Variants in SLC34A1 observed in about 807,000 individuals in gnomAD.
SLC34A1 encodes the protein solute carrier family 34 member 1, also known as sodium-dependent phosphate transport protein 2A.
In SLC34A1, 57 loss-of-function variants were observed where a neutral mutation model predicts 51.4. That is an observed-to-expected ratio of 1.11 (90% CI 0.90 to 1.38). The LOEUF is 1.38. Among genes scored for constraint, SLC34A1 ranks in the 40% most tolerant of loss-of-function variants. The pLI is 0.00. For synonymous variants in SLC34A1, 368 were observed against 358.0 expected (o/e 1.03, Z -0.32); for missense variants, 796 against 835.6 (o/e 0.95, Z 0.58).
chr5:177,386,331 G>T lies in SLC34A1; in HGVS notation c.370G>T (p.Ala124Ser), dbSNP rs1762570527. 6.2e-7 allele frequency: 1 copy of T among 1,614,274 alleles called. No homozygotes were observed. Among genetic ancestry groups the T allele is most frequent in the Non-Finnish European group, 8.5e-7 (1 of 1,180,050 alleles). The change falls in exon 4 of 13, where the codon GCC becomes TCC. Residue 124 changes from alanine to serine, a missense_variant. By Grantham distance (99) the Ala-to-Ser change is moderately conservative (BLOSUM62 1). Transcript: ENST00000324417. The surrounding 1 kb of genome is among the most constrained non-coding windows in gnomAD (Gnocchi z 4.8). ...CTGCTCCCTGGACATGCTCAGCTCG[G>T]CCTTCCAGCTGGCTGGAGGTAGGGC... ...FVCSLDMLSS[A>S]FQLAGGKVAG...
chr5:177,398,140 C>G lies in SLC34A1; in HGVS notation c.1774C>G (p.Leu592Val). Residue 592 changes from leucine to valine, a missense_variant, in exon 13 of 13, where the codon CTC becomes GTC. Transcript: ENST00000324417. This position sits in a 1 kb window ranked among gnomAD's most constrained non-coding sequence, Gnocchi z 4.7. ...WMHSLKPLDH[L>V]ITRATLCCAR... is the part of the protein sequence containing the mutation. ...GCACTCCCTGAAGCCCCTGGACCACCTCATCACCCGCGCCACCCTATGCTG... is the reference window on the plus strand; with the variant it reads ...GCACTCCCTGAAGCCCCTGGACCACGTCATCACCCGCGCCACCCTATGCTG... The G allele has an allele frequency of 6.2e-7, 1 of 1,611,456 alleles. No homozygotes were observed. The highest frequency in any genetic ancestry group is 1.3e-5 in the African/African-American group (1 of 75,026).
chr5:177,392,406 T>G (rs2127352016), intron 8 of SLC34A1, among the ~76,000 whole-genome samples: 1 of 152,244 alleles, frequency 6.6e-6, no homozygotes, highest in East Asian at 1.9e-4. Flanking sequence ...GAGGTTGCAG[T>G]GAGCCGAGAT....
chr5:177,388,353 G>C lies in SLC34A1; in HGVS notation c.917G>C (p.Cys306Ser). 6.2e-7 allele frequency: 1 copy of C among 1,614,050 alleles called. No homozygotes were observed. The highest frequency in any genetic ancestry group is 8.5e-7 in the Non-Finnish European group (1 of 1,179,922). Residue 306 changes from cysteine to serine, a missense_variant, in exon 8 of 13, where the codon TGC becomes TCC. Transcript: ENST00000324417. The surrounding 1 kb of genome is among the most constrained non-coding windows in gnomAD (Gnocchi z 4.3). ...LRNHSLIQIWCHPDSLQAPTS... is the reference protein window; with the variant it reads ...LRNHSLIQIWSHPDSLQAPTS... ...AACCACAGTCTCATCCAGATCTGGT[G>C]CCACCCAGACTCCTTACAGGTGAGT...
Position 177,386,377 on chromosome 5 carries a change from A to G in SLC34A1, c.388+28A>G, listed in dbSNP as rs778235120. The G allele has an allele frequency of 2.5e-6, 4 of 1,614,160 alleles. No homozygotes were observed. The highest frequency in any genetic ancestry group is 1.7e-4 in the Middle Eastern group (1 of 6,060). On this transcript the variant is annotated intron_variant, in intron 4 of 12. Coordinates refer to ENST00000324417, the MANE Select transcript of SLC34A1 (RefSeq NM_003052.5). This position sits in a 1 kb window ranked among gnomAD's most constrained non-coding sequence, Gnocchi z 4.8. ...AGGGCCCGGGTGGAGGAGACCTGGG[A>G]GGGGTTCCTGAAGGGCCTTGGACAA...
chr5:177,387,351 T>A (rs79401284), intron 5 of SLC34A1, among the ~76,000 whole-genome samples: 5 of 152,038 alleles, frequency 3.3e-5, no homozygotes, highest in African/African-American at 1.2e-4. Flanking sequence ...GCCGAGATCA[T>A]GCCACTGCAC....
chr5:177,395,353 C>A (rs904466222), intron 10 of SLC34A1, among the ~76,000 whole-genome samples: 1 of 152,024 alleles, frequency 6.6e-6, no homozygotes, highest in Non-Finnish European at 1.5e-5. Context: ...TTTGAACAGA[C>A]ACAAGTAGCC....
chr5:177,394,696 T>A (rs1471207353), intron 10 of SLC34A1, among the ~76,000 whole-genome samples: 2 of 148,190 alleles, frequency 1.3e-5, no homozygotes, highest in Admixed American at 1.3e-4. Context: ...GTCTTTTTTT[T>A]TTTTTTTTTT....
rs1221223244 is a variant in SLC34A1 at position 177,386,762 on chromosome 5, G to A, written c.532+196G>A. Among the ~76,000 whole-genome samples, 4 of 152,128 alleles carry A rather than the reference G, an allele frequency of 2.6e-5. No individual in the cohort carries two copies. The highest frequency in any genetic ancestry group is 2.9e-5 in the Non-Finnish European group (2 of 68,012). The stretch of plus-strand genomic sequence containing the variant: ...TTTATGGCAAGGAACTGGCTTCCCC[G>A]ATGGTAGTTTGTCTGGGCAAGTCAG... On this transcript the variant is annotated intron_variant, in intron 5 of 12. Coordinates refer to ENST00000324417, the MANE Select transcript of SLC34A1 (RefSeq NM_003052.5). The surrounding 1 kb of genome is among the most constrained non-coding windows in gnomAD (Gnocchi z 4.8).
At chr5:177,393,673 G>A in intron 8 of SLC34A1, 21 bp from the exon 9 acceptor site, 2 of 1,613,826 alleles carry the variant, frequency 1.2e-6, no homozygotes, top group Non-Finnish European at 1.7e-6. Context: ...AATTCACTAA[G>A]TCACCCTCCT....
intron 10 of SLC34A1, among the ~76,000 whole-genome samples, chr5:177,395,863 G>A (rs1478039883): frequency 6.6e-6 from 1 of 152,124 alleles, no homozygotes; most frequent in East Asian, 1.9e-4. Context: ...TGAATACCTG[G>A]CCTCAAGTGA....
At chr5:177,393,836 C>G (rs1285651013) in intron 9 of SLC34A1, 73 bp downstream of exon 9, 9 of 1,540,804 alleles carry the variant, frequency 5.8e-6, no homozygotes, top group Non-Finnish European at 7.2e-6. Context: ...CAATCCCACA[C>G]AGCCACTATT....
At chr5:177,389,712 C>G in intron 8 of SLC34A1, 1 of 1,537,262 alleles carries the variant, frequency 6.5e-7, no homozygotes, top group Non-Finnish European at 8.7e-7. Flanking sequence ...AGCTCTGTTC[C>G]TCACTGCCCC....
At chr5:177,393,651 CTG>C (rs1762875101) in intron 8 of SLC34A1, 41 bp from the exon 9 acceptor site, 3 of 1,597,082 alleles carry the variant, frequency 1.9e-6, no homozygotes, top group Admixed American at 1.7e-5. Context: ...CAACCTCAGG[CTG>C]TGTTTTCCTA....
Position 177,386,060 on chromosome 5 carries a change from C to T in SLC34A1, c.183C>T (p.Thr61=), listed in dbSNP as rs761239356. 6.2e-7 allele frequency: 1 copy of T among 1,611,160 alleles called. No homozygotes were observed. The highest frequency in any genetic ancestry group is 2.2e-5 in the East Asian group (1 of 44,824). Residue 61 remains threonine (T), a synonymous_variant, in exon 3 of 13, where the codon ACC becomes ACT. Transcript: ENST00000324417. This position sits in a 1 kb window ranked among gnomAD's most constrained non-coding sequence, Gnocchi z 4.8. Reference sequence around the variant, plus strand: ...GCCCTGTGGCCCTTGCTGAGCACACCTGCCCCTGTGGGGAGGTCCTGGAGC... The same window carrying T: ...GCCCTGTGGCCCTTGCTGAGCACACTTGCCCCTGTGGGGAGGTCCTGGAGC... ...SLGPVALAEH[T]CPCGEVLERH...
Position 177,396,690 on chromosome 5 carries a change from C to A in SLC34A1, c.1175-43C>A. 1 of 1,576,776 alleles carries A rather than the reference C, an allele frequency of 6.3e-7. No individual in the cohort carries two copies. Among genetic ancestry groups the A allele is most frequent in the Non-Finnish European group, 8.7e-7 (1 of 1,146,162 alleles). ...CCGCGGAGGTCTGCTCTCCCAATGTCCCCGCTCTGACCCCAGCCTGCTGGG... is the reference window on the plus strand; with the variant it reads ...CCGCGGAGGTCTGCTCTCCCAATGTACCCGCTCTGACCCCAGCCTGCTGGG... On this transcript the variant is annotated intron_variant, in intron 10 of 12. Transcript: ENST00000324417. The surrounding 1 kb of genome is among the most constrained non-coding windows in gnomAD (Gnocchi z 4.0).
At chr5:177,393,991 G>T (rs200874510) in intron 9 of SLC34A1, 37 bp from the exon 10 acceptor site, 2 of 1,613,526 alleles carry the variant, frequency 1.2e-6, no homozygotes, top group East Asian at 2.2e-5. Flanking sequence ...TGGGAGCCAG[G>T]TGTGGGGTCA....
intron 8 of SLC34A1, among the ~76,000 whole-genome samples, chr5:177,391,100 C>T (rs1197849920): frequency 2.0e-5 from 3 of 152,180 alleles, no homozygotes; most frequent in Non-Finnish European, 4.4e-5. Flanking sequence ...CTCTCCTACC[C>T]CACCCCAGGC....
In SLC34A1 at chr5:177,397,059, G is replaced by A. The variant is rs1317249843; in HGVS notation, c.1401G>A (p.Leu467=). ...CCCTGGCCAGCCCCAGGGAGAAGCTGTCCAGCGCTTTCCAGGTGCGCTGGG... is the reference window on the plus strand; with the variant it reads ...CCCTGGCCAGCCCCAGGGAGAAGCTATCCAGCGCTTTCCAGGTGCGCTGGG... ...LAALASPREK[L]SSAFQIALCH... Residue 467 remains leucine (L), a synonymous_variant, in exon 12 of 13, where the codon CTG becomes CTA. Coordinates refer to ENST00000324417, the MANE Select transcript of SLC34A1 (RefSeq NM_003052.5). 1.2e-6 allele frequency: 2 copies of A among 1,613,566 alleles called. No homozygotes were observed. The highest frequency in any genetic ancestry group is 1.3e-5 in the African/African-American group (1 of 75,064).
chr5:177,397,143 G>T lies in SLC34A1; in HGVS notation c.1416+69G>T. The T allele has an allele frequency of 8.3e-6, 13 of 1,572,836 alleles. No individual in the cohort carries two copies. In the South Asian group the frequency reaches 1.4e-4, roughly 17 times the overall value. ...CTCTGGGGTGTGGGGCCTCACAAAGGTGTGACAACATGGAACAAATATTTT... is the reference window on the plus strand; with the variant it reads ...CTCTGGGGTGTGGGGCCTCACAAAGTTGTGACAACATGGAACAAATATTTT... On this transcript the variant is annotated intron_variant, in intron 12 of 12. Transcript: ENST00000324417.
Sources: gnomAD v4.1 joint callset for allele counts (sites outside exome capture counted in the v4.1 genomes callset) on GRCh38, gnomAD v4.1.1 for gene constraint, Gnocchi (gnomAD v3.1) non-coding constraint, MANE v1.5 for transcripts, NCBI Gene and HGNC (gene_info 2026-07-23, HGNC 2026-07-21) for gene names.